Variants in RHBDD2 observed in about 807,000 individuals in gnomAD.
RHBDD2 encodes rhomboid domain containing 2.
In RHBDD2, 13 loss-of-function variants were observed where a neutral mutation model predicts 21.7. The ratio of observed to expected loss-of-function variants is 0.60; its 90% confidence interval spans 0.39 to 0.95. The LOEUF is 0.95. Ranked by LOEUF, RHBDD2 falls within the 40% of genes least tolerant of loss-of-function variation. RHBDD2 has a pLI of 0.00. For synonymous variants in RHBDD2, 225 were observed against 220.0 expected, an observed-to-expected ratio of 1.02 and a Z score of -0.20; for missense variants, 473 against 478.9, an observed-to-expected ratio of 0.99 and a Z score of 0.11.
intron 1 of RHBDD2, among the ~76,000 whole-genome samples, chr7:75,879,645 A>C (rs1461427433): frequency 6.6e-6 from 1 of 152,172 alleles, no homozygotes; most frequent in Non-Finnish European, 1.5e-5. Flanking sequence ...CTTTAGGCCT[A>C]AGCCCCACTG....
At chr7:75,882,281 G>T (rs1404189174) in intron 2 of RHBDD2, 45 bp downstream of exon 2, 2 of 1,527,234 alleles carry the variant, frequency 1.3e-6, no homozygotes, top group African/African-American at 2.8e-5. Flanking sequence ...ATGTCAAAGG[G>T]TGAACCAGGC....
Position 75,883,801 on chromosome 7 carries a change from G to A in RHBDD2, c.690G>A (p.Lys230=), listed in dbSNP as rs769485948. The A allele has an allele frequency of 2.5e-6, 4 of 1,613,910 alleles. No individual in the cohort carries two copies. Among genetic ancestry groups the A allele is most frequent in the Admixed American group, 3.3e-5 (2 of 59,970 alleles). ...FSLMRRISVF[K]YVSGSSAERR... is the part of the protein sequence containing the mutation. The stretch of plus-strand genomic sequence containing the variant: ...TGATGAGGAGGATATCCGTGTTCAA[G>A]TACGTCTCAGGGTCTTCAGCCGAGA... The change falls in exon 3 of 4, where the codon AAG becomes AAA. Residue 230 remains lysine, a synonymous_variant. Coordinates refer to ENST00000006777, the MANE Select transcript of RHBDD2 (RefSeq NM_001040456.3).
chr7:75,888,088 G>C lies in RHBDD2; in HGVS notation c.834G>C (p.Gln278His). Residue 278 changes from glutamine to histidine, a missense_variant, in exon 4 of 4, where the codon CAG becomes CAC. Gln to His is a conservative substitution (Grantham distance 24, BLOSUM62 0). Coordinates refer to ENST00000006777, the MANE Select transcript of RHBDD2 (RefSeq NM_001040456.3). Reference sequence around the variant, plus strand: ...CCCAGACGCAGCACGCCAGTGGTCAGAAGCTGGCCTCCTGGCCCTCCTGCA... The same window carrying C: ...CCCAGACGCAGCACGCCAGTGGTCACAAGCTGGCCTCCTGGCCCTCCTGCA... ...PVSQTQHASG[Q>H]KLASWPSCTP... The C allele has an allele frequency of 6.2e-7, 1 of 1,613,820 alleles. No individual in the cohort carries two copies. The highest frequency in any genetic ancestry group is 8.5e-7 in the Non-Finnish European group (1 of 1,180,044).
intron 3 of RHBDD2, among the ~76,000 whole-genome samples, chr7:75,884,577 A>C (rs1228330615): frequency 6.6e-6 from 1 of 152,168 alleles, no homozygotes; most frequent in African/African-American, 2.4e-5. Context: ...TTATTGCCGT[A>C]AGTGATAAAG....
intron 3 of RHBDD2, among the ~76,000 whole-genome samples, chr7:75,884,771 A>G (rs1805555502): frequency 6.6e-6 from 1 of 152,180 alleles, no homozygotes; most frequent in Non-Finnish European, 1.5e-5. Context: ...GACATTAGAC[A>G]CATACCTGCT....
At chr7:75,887,476 C>T (rs1254856269) in intron 3 of RHBDD2, among the ~76,000 whole-genome samples, 1 of 151,804 alleles carries the variant, frequency 6.6e-6, no homozygotes, top group Non-Finnish European at 1.5e-5. Flanking sequence ...TGCCACCACA[C>T]CTGGCTAATT....
chr7:75,882,017 CT>C lies in RHBDD2; in HGVS notation c.368del (p.Leu123ArgfsTer30), dbSNP rs1554542671. On this transcript the variant is annotated frameshift_variant, in exon 2 of 4. Coordinates refer to ENST00000006777, the MANE Select transcript of RHBDD2 (RefSeq NM_001040456.3). LOFTEE classifies it high-confidence loss of function. ...CCTGTCATTCGAGGCTGTGTCATCA[CT>C]GTCAAAGCTGGGGGAAGTGGAGGAT... ...IFLSFEAVSS[L>X]SKLGEVEDAR... The C allele has an allele frequency of 6.2e-7, 1 of 1,614,238 alleles. No homozygotes were observed.
rs1263725093 is a variant in RHBDD2 at position 75,888,557 on chromosome 7, G to A, written c.*208G>A. On this transcript the variant is annotated 3_prime_UTR_variant, in exon 4 of 4. Transcript: ENST00000006777. ...AGCTTACAGATGCAGAAAGCGAGACGTTCTGCCATCAGATAAAGTCACGTG... is the reference window on the plus strand; with the variant it reads ...AGCTTACAGATGCAGAAAGCGAGACATTCTGCCATCAGATAAAGTCACGTG... 7.5e-6 allele frequency: 4 copies of A among 535,532 alleles called. No homozygotes were observed. The highest frequency in any genetic ancestry group is 1.3e-5 in the Non-Finnish European group (4 of 301,924). The allele number at this position is 535,532 out of a possible 1,614,324, so 33.2% of individuals were successfully genotyped here.
chr7:75,886,063 G>C (rs937128271), intron 3 of RHBDD2, among the ~76,000 whole-genome samples: 9 of 152,192 alleles, frequency 5.9e-5, no homozygotes, highest in African/African-American at 1.9e-4. Context: ...ATTTGGAGCA[G>C]AGGAAACATC....
chr7:75,882,950 C>T (rs1805419646), intron 2 of RHBDD2, among the ~76,000 whole-genome samples: 1 of 152,172 alleles, frequency 6.6e-6, no homozygotes, highest in Admixed American at 6.6e-5. Flanking sequence ...ATGGAGGAAG[C>T]ACAGCCAGAG....
rs782792779 is a variant in RHBDD2 at position 75,881,812 on chromosome 7, C to A, written c.179-17C>A. The stretch of plus-strand genomic sequence containing the variant: ...GAGCAACCCGCCGCCAGGCCTCTAA[C>A]CCGACTCCCTCTGCAGTTTACAGGC... On this transcript the variant is annotated splice_polypyrimidine_tract_variant and intron_variant, in intron 1 of 3. Coordinates refer to ENST00000006777, the MANE Select transcript of RHBDD2 (RefSeq NM_001040456.3). 6.3e-7 allele frequency: 1 copy of A among 1,579,740 alleles called. No homozygotes were observed. The highest frequency in any genetic ancestry group is 8.6e-7 in the Non-Finnish European group (1 of 1,159,810).
chr7:75,881,275 T>C (rs544816041), intron 1 of RHBDD2: 20 of 1,143,296 alleles, frequency 1.7e-5, no homozygotes, highest in African/African-American at 3.2e-5. Flanking sequence ...AGGAGACTTA[T>C]AATTTCTATA....
At chr7:75,885,315 G>T (rs1805595222) in intron 3 of RHBDD2, among the ~76,000 whole-genome samples, 1 of 152,076 alleles carries the variant, frequency 6.6e-6, no homozygotes, top group Non-Finnish European at 1.5e-5. Context: ...AAGAAGACAA[G>T]GGTCTTTCTC....
intron 2 of RHBDD2, among the ~76,000 whole-genome samples, chr7:75,882,480 C>T (rs549897142): frequency 1.4e-4 from 22 of 152,080 alleles, no homozygotes; most frequent in African/African-American, 1.9e-4. Context: ...CCACTACACC[C>T]GGCTAATTTT....
At position 75,879,228 on chromosome 7, in the gene RHBDD2, C is replaced by T. The variant is rs1805168629; in HGVS notation, c.146C>T (p.Thr49Met). 1.3e-6 allele frequency: 2 copies of T among 1,522,154 alleles called. No individual in the cohort carries two copies. Among genetic ancestry groups the T allele is most frequent in the Admixed American group, 2.1e-5 (1 of 48,542 alleles). 94.3% of individuals were successfully genotyped at this position (1,522,154 alleles called of 1,614,324 possible). ...CAGCCCCTGGCGCCCTCGGGCCTCACGCTGAAGTCCGAGGCCCTTCGCAAC... is the reference window on the plus strand; with the variant it reads ...CAGCCCCTGGCGCCCTCGGGCCTCATGCTGAAGTCCGAGGCCCTTCGCAAC... ...LQQPLAPSGL[T>M]LKSEALRNWQ... The change falls in exon 1 of 4, where the codon ACG (threonine) becomes ATG (methionine). Residue 49 changes from threonine (T) to methionine (M), a missense_variant. Transcript: ENST00000006777.
At position 75,882,238 on chromosome 7, in the gene RHBDD2, T is replaced by G. The variant is rs1490005640; in HGVS notation, c.586+2T>G. On this transcript the variant is annotated splice_donor_variant, in intron 2 of 3. Coordinates refer to ENST00000006777, the MANE Select transcript of RHBDD2 (RefSeq NM_001040456.3). LOFTEE classifies it high-confidence loss of function. ...GCGGGCTGTCCATCGGGCTGGCCTG[T>G]ATCCTTCCTAGCAGAGAGCTATAGA... 1 of 1,605,738 alleles carries G rather than the reference T, an allele frequency of 6.2e-7. No individual in the cohort carries two copies. The highest frequency in any genetic ancestry group is 1.3e-5 in the African/African-American group (1 of 74,792).
At chr7:75,883,353 T>C in intron 2 of RHBDD2, 1 of 172,598 alleles carries the variant, frequency 5.8e-6, no homozygotes, top group Non-Finnish European at 1.3e-5. Flanking sequence ...ACACTGTCTC[T>C]ACTGAAAATA....
chr7:75,881,595 T>C (rs748756721), intron 1 of RHBDD2: 2 of 1,217,748 alleles, frequency 1.6e-6, no homozygotes, highest in Admixed American at 2.8e-5. Context: ...CAGTTACCGC[T>C]AAGAGTTGCA....
In RHBDD2 at chr7:75,879,049, G is replaced by A. The variant is rs782070529; in HGVS notation, c.-34G>A. 1.5e-6 allele frequency: 2 copies of A among 1,364,498 alleles called. No individual in the cohort carries two copies. The highest frequency in any genetic ancestry group is 1.9e-6 in the Non-Finnish European group (2 of 1,055,684). 84.5% of individuals were successfully genotyped at this position (1,364,498 alleles called of 1,614,324 possible). On this transcript the variant is annotated 5_prime_UTR_variant, in exon 1 of 4. Coordinates refer to ENST00000006777, the MANE Select transcript of RHBDD2 (RefSeq NM_001040456.3). ...CGGAAGGAGCAGAGGACCGGCAGCC[G>A]GCGTCGAGGCGGGGCGCGGGAACGA...
Sources: allele counts gnomAD v4.1 joint callset (sites outside exome capture counted in the v4.1 genomes callset), GRCh38; gene constraint gnomAD v4.1.1; transcripts MANE v1.5; gene names NCBI Gene and HGNC (gene_info 2026-07-23, HGNC 2026-07-21).